Variants in UBE2V1 observed in about 807,000 individuals in gnomAD.
The protein encoded by UBE2V1 is ubiquitin-conjugating enzyme E2 variant 1.
A neutral mutation model predicts 19.6 loss-of-function variants in UBE2V1; 15 were observed. That is an observed-to-expected ratio of 0.77 (90% CI 0.51 to 1.18). The LOEUF is 1.18. UBE2V1 is among the 50% of genes most tolerant of loss of function. The pLI is 0.00. For missense variants in UBE2V1, 125 were observed against 184.8 expected, an observed-to-expected ratio of 0.68 and a Z score of 1.88; for synonymous variants, 60 against 60.7, an observed-to-expected ratio of 0.99 and a Z score of 0.05.
intron 2 of UBE2V1, among the ~76,000 whole-genome samples, chr20:50,094,010 A>AT (rs1214975260): frequency 5.6e-4 from 53 of 94,676 alleles, no homozygotes; most frequent in Non-Finnish European, 8.1e-4. Flanking sequence ...AAAAAAAAAA[A>AT]AATAATAATA....
At chr20:50,113,818 CA>C (rs2080925797), upstream of UBE2V1, among the ~76,000 whole-genome samples, 20 of 30,080 alleles carry the variant, frequency 6.6e-4, no homozygotes, top group South Asian at 0.015. Flanking sequence ...TTCAACCAAA[CA>C]AACAAACATT....
intron 1 of UBE2V1, among the ~76,000 whole-genome samples, chr20:50,109,620 G>A (rs1452842645): frequency 6.6e-6 from 1 of 151,862 alleles, no homozygotes; most frequent in African/African-American, 2.4e-5. Context: ...GTGGTGGCGC[G>A]TGCCTGTGAT....
intron 2 of UBE2V1, among the ~76,000 whole-genome samples, chr20:50,088,713 G>A (rs570963994): frequency 6.6e-6 from 1 of 150,992 alleles, no homozygotes; most frequent in Admixed American, 6.6e-5. Flanking sequence ...TTGATCCCAG[G>A]AGGTCAAGGC....
chr20:50,094,010 A>ATAAT (rs1214975260), intron 2 of UBE2V1, among the ~76,000 whole-genome samples: 1 of 94,714 alleles, frequency 1.1e-5, no homozygotes. Context: ...AAAAAAAAAA[A>ATAAT]AATAATAATA....
intron 1 of UBE2V1, among the ~76,000 whole-genome samples, chr20:50,102,438 T>C: frequency 6.6e-6 from 1 of 152,296 alleles, no homozygotes; most frequent in South Asian, 2.1e-4. Flanking sequence ...TCACCAATGA[T>C]CTTGGGGTGT....
intron 2 of UBE2V1, chr20:50,095,719 C>T (rs1179684125): frequency 6.6e-6 from 1 of 152,260 alleles, no homozygotes; most frequent in East Asian, 1.9e-4. Flanking sequence ...GGTCTTGCTA[C>T]ATTCAGGCAG....
chr20:50,088,594 T>C (rs1263963186), intron 2 of UBE2V1, among the ~76,000 whole-genome samples: 1 of 152,094 alleles, frequency 6.6e-6, no homozygotes, highest in African/African-American at 2.4e-5. Context: ...AAGACCAGCC[T>C]GGGCAACAAA....
intron 2 of UBE2V1, among the ~76,000 whole-genome samples, chr20:50,085,267 C>T (rs1385121299): frequency 6.6e-6 from 1 of 152,128 alleles, no homozygotes; most frequent in Non-Finnish European, 1.5e-5. Context: ...ATGCCAATAA[C>T]CTCTTCACTG....
intron 2 of UBE2V1, among the ~76,000 whole-genome samples, chr20:50,087,059 A>G (rs1166679720): frequency 6.6e-6 from 1 of 152,084 alleles, no homozygotes; most frequent in East Asian, 1.9e-4. Context: ...CCTGGGCGAC[A>G]GTGCGAGACT....
intron 1 of UBE2V1, among the ~76,000 whole-genome samples, chr20:50,103,979 TG>T (rs1454587516): frequency 1.3e-5 from 2 of 149,434 alleles, no homozygotes; most frequent in Non-Finnish European, 2.9e-5. Context: ...AAATGTTTGC[TG>T]GTTGAAGAAA....
chr20:50,098,906 T>G, intron 1 of UBE2V1: 4 of 985,366 alleles, frequency 4.1e-6, no homozygotes, highest in Non-Finnish European at 4.8e-6. Flanking sequence ...TGGAAAACAC[T>G]GGCATTTTCA....
At chr20:50,093,476 T>C (rs529268610) in intron 2 of UBE2V1, among the ~76,000 whole-genome samples, 13 of 152,320 alleles carry the variant, frequency 8.5e-5, no homozygotes, top group African/African-American at 3.1e-4. Flanking sequence ...TGACTTAGTT[T>C]CTGACCTTGG....
chr20:50,081,622 T>C lies in UBE2V1; in HGVS notation c.*1146A>G, dbSNP rs1265068992. On this transcript the variant is annotated 3_prime_UTR_variant, in exon 4 of 4. Coordinates refer to ENST00000371674, the MANE Select transcript of UBE2V1 (RefSeq NM_001032288.3). ...TGTCAGATTCCAAACTAGACCCCAATGGATTGCAAGGATGACCAAATGAAA... is the reference window on the plus strand; with the variant it reads ...TGTCAGATTCCAAACTAGACCCCAACGGATTGCAAGGATGACCAAATGAAA... 2 of 161,420 alleles carry C rather than the reference T, an allele frequency of 1.2e-5. No homozygotes were observed. Among genetic ancestry groups the C allele is most frequent in the Non-Finnish European group, 2.7e-5 (2 of 73,992 alleles). The allele number at this position is 161,420 out of a possible 1,614,324, so 10.0% of individuals were successfully genotyped here.
intron 1 of UBE2V1, among the ~76,000 whole-genome samples, chr20:50,100,442 G>A (rs564491758): frequency 5.9e-4 from 89 of 152,048 alleles, no homozygotes; most frequent in East Asian, 2.1e-3. Flanking sequence ...AAAATTAGCC[G>A]GGCGTGGTGG....
upstream of UBE2V1, chr20:50,115,622 C>A: frequency 7.2e-7 from 1 of 1,387,186 alleles, no homozygotes; most frequent in Non-Finnish European, 9.5e-7. Context: ...CATAGGATTG[C>A]TGTGGAGATA....
intron 1 of UBE2V1, among the ~76,000 whole-genome samples, chr20:50,098,061 C>T (rs1042677242): frequency 1.3e-5 from 2 of 152,032 alleles, no homozygotes; most frequent in Admixed American, 1.3e-4. Context: ...TATGACAGAT[C>T]CTGGTGTTCC....
At chr20:50,105,800 C>T (rs2080315953) in intron 1 of UBE2V1, among the ~76,000 whole-genome samples, 1 of 152,104 alleles carries the variant, frequency 6.6e-6, no homozygotes. Context: ...TGTGGTGGCA[C>T]ATGCCTGCAA....
chr20:50,094,031 T>TAA (rs1366430352), intron 2 of UBE2V1, among the ~76,000 whole-genome samples: 1 of 68,160 alleles, frequency 1.5e-5, no homozygotes, highest in African/African-American at 6.7e-5. Flanking sequence ...ATAATAATAA[T>TAA]AAAATATATA....
Position 50,096,769 on chromosome 20 carries a change from T to C in UBE2V1, c.74A>G (p.Gln25Arg). 1.2e-6 allele frequency: 2 copies of C among 1,614,210 alleles called. No individual in the cohort carries two copies. The highest frequency in any genetic ancestry group is 1.7e-6 in the Non-Finnish European group (2 of 1,180,022). ...AACTGTGCCATCTCCTACTCCTTTC[T>C]GGCCTTCTTCGAGTTCTTCCAACAG... ...FRLLEELEEGQKGVGDGTVSW... is the reference protein window; with the variant it reads ...FRLLEELEEGRKGVGDGTVSW... The change falls in exon 2 of 4, where the codon CAG (glutamine) becomes CGG (arginine). Residue 25 changes from glutamine to arginine, a missense_variant. Coordinates refer to ENST00000371674, the MANE Select transcript of UBE2V1 (RefSeq NM_001032288.3).
Sources: allele counts gnomAD v4.1 joint callset (sites outside exome capture counted in the v4.1 genomes callset), GRCh38; gene constraint gnomAD v4.1.1; transcripts MANE v1.5; gene names NCBI Gene and HGNC (gene_info 2026-07-23, HGNC 2026-07-21).